MYO5A: variants seen among roughly 807,000 people sequenced by gnomAD.
MYO5A encodes myosin VA.
Under a neutral mutation model 249.7 loss-of-function variants are expected in MYO5A, and 98 were observed. The observed-to-expected ratio is 0.39, with a 90% CI of 0.33 to 0.46. The LOEUF is 0.46. Ranked by LOEUF, MYO5A falls within the 20% of genes least tolerant of loss-of-function variation. The pLI is 0.98. For missense variants in MYO5A, 1,696 were observed against 2,308.8 expected (o/e 0.73, Z 5.44); for synonymous variants, 778 against 810.6 (o/e 0.96, Z 0.68).
At chr15:52,334,948 G>A (rs924131503) in intron 34 of MYO5A, among the ~76,000 whole-genome samples, 11 of 152,198 alleles carry the variant, frequency 7.2e-5, no homozygotes, top group Non-Finnish European at 1.5e-4. Context: ...CTCAAAGGCT[G>A]AGCAGGACTT....
intron 18 of MYO5A, among the ~76,000 whole-genome samples, chr15:52,378,611 T>C (rs1030981586): frequency 2.1e-4 from 32 of 149,428 alleles, no homozygotes; most frequent in Middle Eastern, 3.2e-3. Flanking sequence ...CTTAGCTCTT[T>C]CAAGGAAAAA....
chr15:52,416,533 G>A (rs1338969615), intron 4 of MYO5A, among the ~76,000 whole-genome samples: 1 of 151,826 alleles, frequency 6.6e-6, no homozygotes, highest in East Asian at 1.9e-4. Context: ...GGGTTGAGGA[G>A]GATATTTATT....
chr15:52,424,313 T>C (rs1478391995), intron 4 of MYO5A, among the ~76,000 whole-genome samples: 2 of 152,242 alleles, frequency 1.3e-5, no homozygotes, highest in Admixed American at 6.5e-5. Flanking sequence ...TAATATTTCA[T>C]AATGTCAGAC....
At chr15:52,376,992 G>A (rs906649886) in intron 18 of MYO5A, among the ~76,000 whole-genome samples, 1 of 152,156 alleles carries the variant, frequency 6.6e-6, no homozygotes, top group Non-Finnish European at 1.5e-5. Flanking sequence ...AGGAAGAAAC[G>A]TTTATGAAAT....
At chr15:52,416,335 C>T (rs370414614) in intron 4 of MYO5A, 34 bp from the exon 5 acceptor site, 2 of 1,600,460 alleles carry the variant, frequency 1.2e-6, no homozygotes, top group Non-Finnish European at 1.7e-6. Context: ...AAGTAACTGC[C>T]ATTGCTGCCT....
At chr15:52,341,264 A>T (rs1392691537) in intron 31 of MYO5A, among the ~76,000 whole-genome samples, 1 of 152,258 alleles carries the variant, frequency 6.6e-6, no homozygotes, top group African/African-American at 2.4e-5. Context: ...CCGAATCCAC[A>T]CAAATAGTTC....
At position 52,319,137 on chromosome 15, in the gene MYO5A, G is replaced by A; in HGVS notation, c.5157C>T (p.Tyr1719=). 6.2e-7 allele frequency: 1 copy of A among 1,614,190 alleles called. No homozygotes were observed. Residue 1719 remains tyrosine (Y), a synonymous_variant, in exon 39 of 42, where the codon TAC becomes TAT. Coordinates refer to ENST00000399233, the MANE Select transcript of MYO5A (RefSeq NM_001382347.1). The part of the protein sequence containing the change: ...LIKQVVKQMF[Y]IIGAITLNNL... Reference sequence around the variant, plus strand: ...TGTTCAGGGTGATGGCCCCTATGATGTAGAACATCTGCTTGACCACCTGCT... The same window carrying A: ...TGTTCAGGGTGATGGCCCCTATGATATAGAACATCTGCTTGACCACCTGCT...
At chr15:52,422,012 C>G (rs1242865486) in intron 4 of MYO5A, among the ~76,000 whole-genome samples, 1 of 152,140 alleles carries the variant, frequency 6.6e-6, no homozygotes, top group African/African-American at 2.4e-5. Context: ...ATCAACACTA[C>G]CTGGTTTTAA....
At chr15:52,368,231 G>A (rs760264199) in intron 22 of MYO5A, among the ~76,000 whole-genome samples, 6 of 152,180 alleles carry the variant, frequency 3.9e-5, no homozygotes, top group African/African-American at 7.2e-5. Flanking sequence ...GCAGACATCA[G>A]TCCAGTAGGT....
At chr15:52,431,098 G>T (rs1217810902) in intron 2 of MYO5A, among the ~76,000 whole-genome samples, 2 of 151,500 alleles carry the variant, frequency 1.3e-5, no homozygotes, top group Non-Finnish European at 2.9e-5. Flanking sequence ...CAGGCATGGT[G>T]GCATGCGCCT....
intron 1 of MYO5A, among the ~76,000 whole-genome samples, chr15:52,527,492 C>T (rs1283351378): frequency 6.6e-6 from 1 of 152,176 alleles, no homozygotes; most frequent in Non-Finnish European, 1.5e-5. Flanking sequence ...CATGCAAGCT[C>T]ATTTCATGGT....
chr15:52,391,128 G>A (rs2042216200), intron 12 of MYO5A, among the ~76,000 whole-genome samples: 2 of 152,074 alleles, frequency 1.3e-5, no homozygotes, highest in East Asian at 3.8e-4. Context: ...GATAAATGTT[G>A]TCAAATATCC....
At chr15:52,441,500 C>T (rs1391873864) in intron 1 of MYO5A, among the ~76,000 whole-genome samples, 1 of 152,192 alleles carries the variant, frequency 6.6e-6, no homozygotes, top group Non-Finnish European at 1.5e-5. Flanking sequence ...TCACTTGCCA[C>T]TTCTATTCTC....
chr15:52,477,616 T>C (rs2076624683), intron 1 of MYO5A, among the ~76,000 whole-genome samples: 2 of 152,284 alleles, frequency 1.3e-5, no homozygotes, highest in South Asian at 4.1e-4. Context: ...TGTTTGTTAG[T>C]TTTCCTTCTA....
chr15:52,380,969 A>G (rs183727471), intron 16 of MYO5A, among the ~76,000 whole-genome samples: 7 of 152,302 alleles, frequency 4.6e-5, no homozygotes, highest in African/African-American at 1.7e-4. Context: ...AAAAATTACT[A>G]CTGTTCTAAA....
intron 2 of MYO5A, among the ~76,000 whole-genome samples, chr15:52,431,102 T>C (rs1019152835): frequency 2.0e-5 from 3 of 151,070 alleles, no homozygotes; most frequent in Non-Finnish European, 4.4e-5. Flanking sequence ...CATGGTGGCA[T>C]GCGCCTGTAA....
chr15:52,419,059 A>C (rs2043661832), intron 4 of MYO5A, among the ~76,000 whole-genome samples: 1 of 152,202 alleles, frequency 6.6e-6, no homozygotes. Flanking sequence ...AAATTAAGCA[A>C]TGCTTGCCTC....
At chr15:52,453,830 G>A (rs2076067592) in intron 1 of MYO5A, among the ~76,000 whole-genome samples, 1 of 151,864 alleles carries the variant, frequency 6.6e-6, no homozygotes, top group African/African-American at 2.4e-5. Context: ...TTTTCTATAA[G>A]TCTCATGGTA....
intron 40 of MYO5A, 69 bp from the exon 41 acceptor site, chr15:52,314,272 A>C (rs1249048162): frequency 8.6e-7 from 1 of 1,163,048 alleles, no homozygotes; most frequent in Non-Finnish European, 1.3e-6. Context: ...TATAATCTGG[A>C]AAATTAAAAG....
Sources: gnomAD v4.1 joint callset for allele counts (sites outside exome capture counted in the v4.1 genomes callset) on GRCh38, gnomAD v4.1.1 for gene constraint, MANE v1.5 for transcripts, NCBI Gene and HGNC (gene_info 2026-07-23, HGNC 2026-07-21) for gene names.